The following XXYLT1 variants were observed in gnomAD, a reference collection of about 807,000 sequenced individuals.
The protein encoded by XXYLT1 is xyloside xylosyltransferase 1.
XXYLT1 carries 20 observed loss-of-function variants against 28.9 expected under a neutral mutation model. The ratio of observed to expected loss-of-function variants is 0.69; its 90% confidence interval spans 0.49 to 1.00. The LOEUF (loss-of-function observed/expected upper bound fraction) is 1.00. Among genes scored for constraint, XXYLT1 ranks in the 50% least tolerant of loss-of-function variants. The pLI is 0.00. For synonymous variants in XXYLT1, 257 were observed against 253.8 expected, an observed-to-expected ratio of 1.01 and a Z score of -0.12; for missense variants, 542 against 560.1, an observed-to-expected ratio of 0.97 and a Z score of 0.33.
At chr3:195,197,582 A>G (rs892623077) in intron 2 of XXYLT1, among the ~76,000 whole-genome samples, 2 of 152,218 alleles carry the variant, frequency 1.3e-5, no homozygotes, top group African/African-American at 2.4e-5. Flanking sequence ...CTATGTACCT[A>G]AAGATGTTCA....
At chr3:195,182,645 A>T (rs1321235201) in intron 2 of XXYLT1, among the ~76,000 whole-genome samples, 3 of 152,168 alleles carry the variant, frequency 2.0e-5, no homozygotes, top group Non-Finnish European at 2.9e-5. Flanking sequence ...ACCTAGCAAT[A>T]AGCCGAGGTC....
intron 2 of XXYLT1, among the ~76,000 whole-genome samples, chr3:195,159,931 G>C (rs2108688595): frequency 6.6e-6 from 1 of 152,244 alleles, no homozygotes; most frequent in South Asian, 2.1e-4. Flanking sequence ...CTCTGTCAAA[G>C]CGCTCTTCTC....
At chr3:195,169,539 C>A (rs1429276125) in intron 2 of XXYLT1, among the ~76,000 whole-genome samples, 1 of 152,232 alleles carries the variant, frequency 6.6e-6, no homozygotes, top group East Asian at 1.9e-4. Flanking sequence ...TGGTCCCCGC[C>A]ACAATGCGGT....
intron 2 of XXYLT1, among the ~76,000 whole-genome samples, chr3:195,224,896 G>A (rs962676288): frequency 1.3e-5 from 2 of 152,206 alleles, no homozygotes; most frequent in African/African-American, 4.8e-5. Context: ...GCTAATGGCG[G>A]AGCTGTGAGC....
At chr3:195,171,413 C>A (rs1721400012) in intron 2 of XXYLT1, among the ~76,000 whole-genome samples, 1 of 152,188 alleles carries the variant, frequency 6.6e-6, no homozygotes, top group African/African-American at 2.4e-5. Flanking sequence ...AACCATAAAC[C>A]CAGACTTCAA....
chr3:195,246,284 C>T (rs184792520), intron 1 of XXYLT1, among the ~76,000 whole-genome samples: 9 of 152,324 alleles, frequency 5.9e-5, no homozygotes, highest in East Asian at 1.9e-4. Context: ...AGAAGACCTG[C>T]GCAAAGGATC....
chr3:195,068,608 A>ACGTCT lies in XXYLT1; in HGVS notation c.*1102_*1106dup, dbSNP rs1714632360. 2.2e-5 allele frequency: 3 copies of ACGTCT among 134,014 alleles called. No homozygotes were observed. Among genetic ancestry groups the ACGTCT allele is most frequent in the Non-Finnish European group, 4.7e-5 (3 of 63,790 alleles). The allele number at this position is 134,014 out of a possible 1,614,324, so 8.3% of individuals were successfully genotyped here. A position where few individuals can be genotyped will look rare whatever the true frequency, so the allele number is the denominator to read the frequency against. On this transcript the variant is annotated 3_prime_UTR_variant, in exon 4 of 4. Coordinates refer to ENST00000310380, the MANE Select transcript of XXYLT1 (RefSeq NM_152531.5). ...GGTTTTTTTTTTTTTTTTGAGATGG[A>ACGTCT]CGTCTCACTCTGTCGTCCAGGCTGG...
chr3:195,093,768 G>A (rs751244494), intron 3 of XXYLT1: 2 of 152,120 alleles, frequency 1.3e-5, no homozygotes, highest in Non-Finnish European at 2.9e-5. Flanking sequence ...AGACTCCTCC[G>A]AAAATAACAG....
chr3:195,268,422 ACT>A (rs1198129287), intron 1 of XXYLT1, among the ~76,000 whole-genome samples: 3 of 146,784 alleles, frequency 2.0e-5, no homozygotes, highest in South Asian at 2.3e-4. Flanking sequence ...CAAGAGCAAA[ACT>A]CTGTCTCAAA....
At chr3:195,187,884 A>T (rs906906020) in intron 2 of XXYLT1, among the ~76,000 whole-genome samples, 1 of 152,172 alleles carries the variant, frequency 6.6e-6, no homozygotes, top group African/African-American at 2.4e-5. Flanking sequence ...CACTTCAAAG[A>T]GGTGTCCTTG....
chr3:195,072,970 C>A (rs1263254225), intron 3 of XXYLT1, among the ~76,000 whole-genome samples: 1 of 152,198 alleles, frequency 6.6e-6, no homozygotes, highest in African/African-American at 2.4e-5. Context: ...ACAGGCAGTA[C>A]CGCCAATCCC....
At chr3:195,151,309 T>C (rs11917068) in intron 3 of XXYLT1, among the ~76,000 whole-genome samples, 56,136 of 152,002 alleles carry the variant, frequency 0.37, 11,778 homozygotes, top group East Asian at 0.84. Context: ...TTTGGGAGGC[T>C]GAGGCGGGCG....
intron 1 of XXYLT1, among the ~76,000 whole-genome samples, chr3:195,241,953 C>T (rs1423643060): frequency 6.6e-6 from 1 of 152,214 alleles, no homozygotes; most frequent in Non-Finnish European, 1.5e-5. Flanking sequence ...TGTTTAGTCA[C>T]TTACTGCCCA....
intron 3 of XXYLT1, among the ~76,000 whole-genome samples, chr3:195,120,286 C>CCG (rs1460318568): frequency 3.9e-5 from 5 of 129,628 alleles, no homozygotes; most frequent in Non-Finnish European, 3.4e-5. Context: ...GCTCAGATGC[C>CCG]CCCCCCGCCC....
chr3:195,104,207 G>A (rs1165267953), intron 3 of XXYLT1, among the ~76,000 whole-genome samples: 5 of 20,394 alleles, frequency 2.5e-4, no homozygotes, highest in African/African-American at 7.2e-4. Flanking sequence ...CCGTGTGTGT[G>A]TGTGTGTGTG....
chr3:195,069,625 A>T lies in XXYLT1; in HGVS notation c.*90T>A. ...CAGGACTTCCCTGCGGTGTCTCTCTAGCGGGTCAGACACTGCCCTTGGGTC... is the reference window on the plus strand; with the variant it reads ...CAGGACTTCCCTGCGGTGTCTCTCTTGCGGGTCAGACACTGCCCTTGGGTC... On this transcript the variant is annotated 3_prime_UTR_variant, in exon 4 of 4. Transcript: ENST00000310380. 1 of 1,487,168 alleles carries T rather than the reference A, an allele frequency of 6.7e-7. No individual in the cohort carries two copies. The allele number at this position is 1,487,168 out of a possible 1,614,324, so 92.1% of individuals were successfully genotyped here.
intron 3 of XXYLT1, among the ~76,000 whole-genome samples, chr3:195,145,610 T>C (rs58377924): frequency 0.013 from 892 of 66,314 alleles, no homozygotes; most frequent in Middle Eastern, 0.045. Context: ...CTCTGTGAAG[T>C]CACATGAACG....
At chr3:195,196,871 A>T (rs1423381707) in intron 2 of XXYLT1, among the ~76,000 whole-genome samples, 1 of 125,070 alleles carries the variant, frequency 8.0e-6, no homozygotes, top group Admixed American at 7.6e-5. Flanking sequence ...CACTTCCTTT[A>T]AAAAAAAAAA....
chr3:195,260,661 G>A (rs541562896), intron 1 of XXYLT1, among the ~76,000 whole-genome samples: 4 of 152,314 alleles, frequency 2.6e-5, no homozygotes, highest in East Asian at 1.9e-4. Flanking sequence ...CGACCCCTCC[G>A]AAAAAGACGG....
Sources: allele counts gnomAD v4.1 joint callset (sites outside exome capture counted in the v4.1 genomes callset), GRCh38; gene constraint gnomAD v4.1.1; transcripts MANE v1.5; gene names NCBI Gene and HGNC (gene_info 2026-07-23, HGNC 2026-07-21).